The following HORMAD2 variants were observed in gnomAD, a reference collection of about 807,000 sequenced individuals.
The protein encoded by HORMAD2 is HORMA domain-containing protein 2.
Under a neutral mutation model 38.8 loss-of-function variants are expected in HORMAD2, and 45 were observed. The observed-to-expected ratio is 1.16, with a 90% CI of 0.91 to 1.49. The LOEUF (loss-of-function observed/expected upper bound fraction) is 1.49. Among genes scored for constraint, HORMAD2 ranks in the 40% most tolerant of loss-of-function variants. The probability of loss-of-function intolerance (pLI) is 0.00; values close to 1 mark genes in which losing one functional copy is unlikely to be tolerated. For synonymous variants in HORMAD2, 126 were observed against 122.8 expected (o/e 1.03, Z -0.17); for missense variants, 338 against 367.0 (o/e 0.92, Z 0.65).
intron 10 of HORMAD2, among the ~76,000 whole-genome samples, chr22:30,147,984 C>A (rs949589988): frequency 6.6e-6 from 1 of 152,096 alleles, no homozygotes; most frequent in Non-Finnish European, 1.5e-5. Context: ...AATTTTCACT[C>A]CTAGGTATTT....
At chr22:30,184,103 C>T in the HORMAD2 span, among the ~76,000 whole-genome samples, 1 of 152,192 alleles carries the variant, frequency 6.6e-6, no homozygotes, top group African/African-American at 2.4e-5. Flanking sequence ...ATCCTCTGGT[C>T]GCATCTCTCA....
At chr22:30,109,024 CTTCCT>C (rs1341995897) in intron 5 of HORMAD2, among the ~76,000 whole-genome samples, 1 of 145,774 alleles carries the variant, frequency 6.9e-6, no homozygotes, top group Non-Finnish European at 1.5e-5. Context: ...TCCCTCCTTC[CTTCCT>C]TTCTTCTTTT....
the HORMAD2 span, among the ~76,000 whole-genome samples, chr22:30,203,792 A>C: frequency 6.6e-6 from 1 of 152,208 alleles, no homozygotes; most frequent in Non-Finnish European, 1.5e-5. Context: ...GTGCACGTGC[A>C]TGCATCCTTA....
chr22:30,190,617 G>A, the HORMAD2 span, among the ~76,000 whole-genome samples: 2 of 152,208 alleles, frequency 1.3e-5, no homozygotes, highest in Admixed American at 1.3e-4. Flanking sequence ...GGAAAGAAAA[G>A]CAGAAGGAAA....
At chr22:30,094,451 C>A (rs1369460519) in intron 2 of HORMAD2, among the ~76,000 whole-genome samples, 2 of 152,112 alleles carry the variant, frequency 1.3e-5, no homozygotes, top group African/African-American at 4.8e-5. Flanking sequence ...TAGTTTGTCT[C>A]ATGACATTCA....
the HORMAD2 span, among the ~76,000 whole-genome samples, chr22:30,188,071 T>C: frequency 9.8e-3 from 1,496 of 152,078 alleles, 20 homozygotes; most frequent in African/African-American, 0.035. Context: ...AATATATCTT[T>C]TTTAAAAAAA....
chr22:30,202,347 A>G, the HORMAD2 span, among the ~76,000 whole-genome samples: 1 of 151,732 alleles, frequency 6.6e-6, no homozygotes, highest in Non-Finnish European at 1.5e-5. Context: ...GAGAGGCAAT[A>G]TGTAAATGAA....
chr22:30,197,312 C>T, the HORMAD2 span, among the ~76,000 whole-genome samples: 2 of 151,856 alleles, frequency 1.3e-5, no homozygotes, highest in Non-Finnish European at 2.9e-5. Flanking sequence ...TGGGATATAT[C>T]ACAAGGAAAA....
chr22:30,143,147 A>G (rs771858722), intron 10 of HORMAD2, among the ~76,000 whole-genome samples: 7 of 152,174 alleles, frequency 4.6e-5, no homozygotes, highest in East Asian at 1.9e-4. Context: ...ACAATATACC[A>G]TATGCATATT....
downstream of HORMAD2, among the ~76,000 whole-genome samples, chr22:30,180,136 C>T (rs5763852): frequency 0.15 from 22,394 of 152,038 alleles, 3,461 homozygotes; most frequent in African/African-American, 0.38. Context: ...ACAATTTGCC[C>T]GCCTCAGCCT....
At position 30,121,635 on chromosome 22, in the gene HORMAD2, T is replaced by TA. The variant is rs777176284; in HGVS notation, c.415dup (p.Ser139LysfsTer7). On this transcript the variant is annotated frameshift_variant, in exon 9 of 11. Transcript: ENST00000336726. LOFTEE classifies it high-confidence loss of function. ...GTATGCTTTTTTTTCTGTGTAGTCA[T>TA]AGCAGCAGTACAAGCTTTGAAAGTG... 1,120 of 1,588,280 alleles carry TA rather than the reference T, an allele frequency of 7.1e-4. 1 individual carries two copies. The highest frequency in any genetic ancestry group is 8.7e-4 in the Non-Finnish European group (1,017 of 1,167,028).
chr22:30,091,515 C>T (rs1217632659), intron 1 of HORMAD2, among the ~76,000 whole-genome samples: 1 of 152,174 alleles, frequency 6.6e-6, no homozygotes, highest in African/African-American at 2.4e-5. Flanking sequence ...ACCTGCCTGC[C>T]TCAACCTCCC....
intron 10 of HORMAD2, among the ~76,000 whole-genome samples, chr22:30,130,450 C>T (rs186794060): frequency 2.6e-3 from 401 of 152,178 alleles, no homozygotes; most frequent in African/African-American, 9.0e-3. Flanking sequence ...AAAAATAGAA[C>T]GTTGGAATTG....
chr22:30,203,667 C>A, the HORMAD2 span, among the ~76,000 whole-genome samples: 1 of 152,180 alleles, frequency 6.6e-6, no homozygotes, highest in Non-Finnish European at 1.5e-5. Context: ...TACATAAACA[C>A]ACTCCTATAT....
At chr22:30,136,234 C>T (rs1041739309) in intron 10 of HORMAD2, among the ~76,000 whole-genome samples, 9 of 152,102 alleles carry the variant, frequency 5.9e-5, no homozygotes, top group African/African-American at 1.9e-4. Context: ...TTAAAGAAGC[C>T]AGAATCAAAA....
At chr22:30,205,041 T>A in the HORMAD2 span, among the ~76,000 whole-genome samples, 2 of 152,186 alleles carry the variant, frequency 1.3e-5, no homozygotes, top group Non-Finnish European at 2.9e-5. Context: ...CAGCAACCGC[T>A]GCTGGGCCTC....
chr22:30,104,243 A>G (rs1038559931), intron 4 of HORMAD2, among the ~76,000 whole-genome samples, 158 bp from the exon 5 acceptor site: 1 of 152,230 alleles, frequency 6.6e-6, no homozygotes, highest in Non-Finnish European at 1.5e-5. Context: ...CATCATATTA[A>G]AAGTTGCTGG....
chr22:30,176,125 G>C lies in HORMAD2; in HGVS notation c.882G>C (p.Lys294Asn), dbSNP rs1198238713. Reference sequence around the variant, plus strand: ...CTGAGTGCTCCAGGAAGAAGAGGAAGGTCAGTGAACCAGTGAAGGTCTTCA... The same window carrying C: ...CTGAGTGCTCCAGGAAGAAGAGGAACGTCAGTGAACCAGTGAAGGTCTTCA... ...QSSECSRKKR[K>N]VSEPVKVFIP... Residue 294 changes from lysine to asparagine, a missense_variant, in exon 11 of 11, where the codon AAG (lysine) becomes AAC (asparagine). Physicochemically the swap from Lys to Asn is moderately conservative, Grantham distance 94. Coordinates refer to ENST00000336726, the MANE Select transcript of HORMAD2 (RefSeq NM_152510.4). 1 of 1,612,946 alleles carries C rather than the reference G, an allele frequency of 6.2e-7. No homozygotes were observed. Among genetic ancestry groups the C allele is most frequent in the Non-Finnish European group, 8.5e-7 (1 of 1,179,164 alleles).
intron 10 of HORMAD2, among the ~76,000 whole-genome samples, chr22:30,158,281 TAA>T (rs1925207713): frequency 6.6e-6 from 1 of 151,728 alleles, no homozygotes; most frequent in Non-Finnish European, 1.5e-5. Context: ...AAACAAAACT[TAA>T]AAGTTTGGTT....
Sources: gnomAD v4.1 joint callset for allele counts (sites outside exome capture counted in the v4.1 genomes callset) on GRCh38, gnomAD v4.1.1 for gene constraint, MANE v1.5 for transcripts, NCBI Gene and HGNC (gene_info 2026-07-23, HGNC 2026-07-21) for gene names.